SEMA5B: variants seen among roughly 807,000 people sequenced by gnomAD.
The protein encoded by SEMA5B is semaphorin-5B.
SEMA5B carries 66 observed loss-of-function variants against 135.0 expected under a neutral mutation model. The ratio of observed to expected loss-of-function variants is 0.49; its 90% CI spans 0.40 to 0.60. The LOEUF is 0.60. SEMA5B is among the 20% of genes least tolerant of loss of function. The probability of loss-of-function intolerance (pLI) is 0.00; values close to 1 mark genes in which losing one functional copy is unlikely to be tolerated. For missense variants in SEMA5B, 1,501 were observed against 1,566.3 expected (o/e 0.96, Z 0.70); for synonymous variants, 690 against 639.5 (o/e 1.08, Z -1.19).
Position 122,969,380 on chromosome 3 carries a change from C to T in SEMA5B, c.-38-8079G>A, listed in dbSNP as rs567695514. On this transcript the variant is annotated intron_variant, in intron 1 of 22. Coordinates refer to ENST00000357599, the MANE Select transcript of SEMA5B (RefSeq NM_001031702.4). ...GCTGTGGGGGCACAGAGAAGGGATA[C>T]CACCCAGGTCTCCTCCTGATTCCCT... Among the ~76,000 whole-genome samples, 327 of 152,284 alleles carry T rather than the reference C, an allele frequency of 2.1e-3. 1 individual carries two copies. Among genetic ancestry groups the T allele is most frequent in the African/African-American group, 7.3e-3 (304 of 41,562 alleles).
intron 14 of SEMA5B, 58 bp downstream of exon 14, chr3:122,915,382 C>T (rs1938008545): frequency 1.3e-6 from 2 of 1,527,670 alleles, no homozygotes; most frequent in Admixed American, 3.9e-5. Flanking sequence ...TCCCCGTTTC[C>T]CTAGTTCTCC....
intron 1 of SEMA5B, among the ~76,000 whole-genome samples, chr3:122,983,612 G>A (rs1941600053): frequency 6.6e-6 from 1 of 150,670 alleles, no homozygotes; most frequent in Admixed American, 6.7e-5. Flanking sequence ...CAGCTACTCG[G>A]GAGGCTGAGG....
At chr3:123,013,571 A>C (rs1942485929) in intron 1 of SEMA5B, among the ~76,000 whole-genome samples, 1 of 152,176 alleles carries the variant, frequency 6.6e-6, no homozygotes, top group African/African-American at 2.4e-5. Context: ...TCTAACAGTA[A>C]ATGGCAAAGC....
At chr3:123,004,907 A>G (rs191643941) in intron 1 of SEMA5B, among the ~76,000 whole-genome samples, 2 of 152,284 alleles carry the variant, frequency 1.3e-5, no homozygotes, top group Admixed American at 1.3e-4. Flanking sequence ...ACTAAATCTG[A>G]TGATCAGTCT....
At chr3:123,013,993 C>T (rs1268416775) in intron 1 of SEMA5B, among the ~76,000 whole-genome samples, 1 of 152,174 alleles carries the variant, frequency 6.6e-6, no homozygotes, top group African/African-American at 2.4e-5. Flanking sequence ...AGGGCCAAGC[C>T]GGAGGCTGGT....
chr3:122,940,778 C>A (rs1939522541), intron 4 of SEMA5B, among the ~76,000 whole-genome samples: 1 of 152,182 alleles, frequency 6.6e-6, no homozygotes, highest in Non-Finnish European at 1.5e-5. Context: ...GACCTTGGCT[C>A]CAGGCCTCTG....
At position 122,943,446 on chromosome 3, in the gene SEMA5B, C is replaced by A; in HGVS notation, c.418G>T (p.Val140Leu). The A allele has an allele frequency of 6.2e-7, 1 of 1,604,132 alleles. No individual in the cohort carries two copies. ...TCTGCCCCTTGTTACCTGGCTCCCA[C>A]GATGAGCTGGTTCCCGGAGGGGTCC... ...ALDPSGNQLI[V>L]GARNYLFRLS... is the part of the protein sequence containing the mutation. The change falls in exon 4 of 23, where the codon GTG becomes TTG. Residue 140 changes from valine to leucine, a missense_variant. Around this residue, in one of 2 missense-constraint regions of SEMA5B, gnomAD observed 574 missense variants for 684.7 expected, o/e 0.84. Transcript: ENST00000357599.
intron 1 of SEMA5B, chr3:122,975,041 G>C (rs1342094428): frequency 6.6e-6 from 1 of 152,238 alleles, no homozygotes; most frequent in Middle Eastern, 3.2e-3. Flanking sequence ...AGTGTCCTCT[G>C]CTCAGGCCCA....
At chr3:122,965,514 A>G (rs1244905060) in intron 1 of SEMA5B, among the ~76,000 whole-genome samples, 2 of 152,216 alleles carry the variant, frequency 1.3e-5, no homozygotes, top group Non-Finnish European at 2.9e-5. Context: ...GAGCTATAGC[A>G]GCCCTGTTTT....
chr3:122,913,294 G>A lies in SEMA5B; in HGVS notation c.2411C>T (p.Ala804Val), dbSNP rs781662439. ...CAGGCCGTGCGGGTCTGCAAGGGGCGCGCGGCAGGTGAAGCGGAACCGCTG... is the reference window on the plus strand; with the variant it reads ...CAGGCCGTGCGGGTCTGCAAGGGGCACGCGGCAGGTGAAGCGGAACCGCTG... ...QEQRFRFTCR[A>V]PLADPHGLQF... Residue 804 changes from alanine (A) to valine (V), a missense_variant, in exon 17 of 23, where the codon GCG becomes GTG. Ala to Val is a moderately conservative substitution (Grantham distance 64). Coordinates refer to ENST00000357599, the MANE Select transcript of SEMA5B (RefSeq NM_001031702.4). 5 of 1,581,104 alleles carry A rather than the reference G, an allele frequency of 3.2e-6. No homozygotes were observed. Among genetic ancestry groups the A allele is most frequent in the South Asian group, 1.1e-5 (1 of 88,136 alleles).
At chr3:122,948,733 A>C in intron 2 of SEMA5B, 24 bp from the exon 3 acceptor site, 6 of 1,558,318 alleles carry the variant, frequency 3.9e-6, no homozygotes, top group Non-Finnish European at 5.2e-6. Context: ...ACTCAGTCTC[A>C]CCAAGCGCTC....
chr3:122,998,936 C>A (rs749901131), intron 1 of SEMA5B, among the ~76,000 whole-genome samples: 1 of 152,220 alleles, frequency 6.6e-6, no homozygotes, highest in Non-Finnish European at 1.5e-5. Flanking sequence ...GGTGGGAAGA[C>A]AACTTCAGCA....
chr3:122,951,289 T>C (rs2107563637), intron 2 of SEMA5B, among the ~76,000 whole-genome samples: 1 of 152,364 alleles, frequency 6.6e-6, no homozygotes, highest in African/African-American at 2.4e-5. Flanking sequence ...TTTGCTTATA[T>C]TAGCATTGAT....
At chr3:122,920,762 C>A (rs1016515871) in intron 12 of SEMA5B, among the ~76,000 whole-genome samples, 3 of 152,200 alleles carry the variant, frequency 2.0e-5, no homozygotes, top group South Asian at 2.1e-4. Flanking sequence ...TCCTTCCCCC[C>A]ACACCCGACC....
intron 1 of SEMA5B, among the ~76,000 whole-genome samples, chr3:123,016,013 G>A (rs1942546224): frequency 6.6e-6 from 1 of 152,224 alleles, no homozygotes; most frequent in East Asian, 1.9e-4. Context: ...GGTTTGGTGA[G>A]ACCCAGGTCC....
rs749978509 is a variant in SEMA5B at position 122,913,200 on chromosome 3, G to A, written c.2505C>T (p.Asp835=). 1.7e-5 allele frequency: 26 copies of A among 1,561,150 alleles called. No individual in the cohort carries two copies. Among genetic ancestry groups the A allele is most frequent in the Middle Eastern group, 3.8e-4 (2 of 5,316 alleles). Residue 835 remains aspartate, a splice_region_variant and synonymous_variant, in exon 17 of 23, where the codon GAC becomes GAT. Transcript: ENST00000357599. ...GAGGGGGCGCCGGGCGCGGGGTACCGTCGGTGTCGCAGGAGCCGGAGCCGT... is the reference window on the plus strand; with the variant it reads ...GAGGGGGCGCCGGGCGCGGGGTACCATCGGTGTCGCAGGAGCCGGAGCCGT... ...PADGSGSCDT[D]ALVEVLLRSG...
chr3:122,989,742 C>A (rs566544283), intron 1 of SEMA5B, among the ~76,000 whole-genome samples: 41 of 152,324 alleles, frequency 2.7e-4, no homozygotes, highest in Middle Eastern at 3.4e-3. Flanking sequence ...CCCAAAGCTG[C>A]CTGTCTGGCG....
At chr3:123,012,240 A>C (rs1942452775) in intron 1 of SEMA5B, among the ~76,000 whole-genome samples, 1 of 152,138 alleles carries the variant, frequency 6.6e-6, no homozygotes. Context: ...CATACATGGT[A>C]GTTGTTATTT....
chr3:123,008,951 G>A (rs1942376679), intron 1 of SEMA5B, among the ~76,000 whole-genome samples: 1 of 152,198 alleles, frequency 6.6e-6, no homozygotes, highest in African/African-American at 2.4e-5. Flanking sequence ...GCAGTGCCCT[G>A]CCTCCCACCA....
Sources: allele counts gnomAD v4.1 joint callset (sites outside exome capture counted in the v4.1 genomes callset), GRCh38; gene constraint gnomAD v4.1.1; regional missense constraint gnomAD v4.1.1; transcripts MANE v1.5; gene names NCBI Gene and HGNC (gene_info 2026-07-23, HGNC 2026-07-21).